The following SLC39A8 variants were observed in gnomAD, a reference collection of about 807,000 sequenced individuals.
SLC39A8 encodes the protein metal cation symporter ZIP8.
SLC39A8 carries 15 observed loss-of-function variants against 40.4 expected under a neutral mutation model. The ratio of observed to expected loss-of-function variants is 0.37; its 90% CI spans 0.25 to 0.57. The LOEUF is 0.57. Ranked by LOEUF, SLC39A8 falls within the 20% of genes least tolerant of loss-of-function variation. The pLI is 0.75. For missense variants in SLC39A8, 472 were observed against 558.8 expected (o/e 0.84, Z 1.57); for synonymous variants, 223 against 221.6 (o/e 1.01, Z -0.06).
At chr4:102,274,540 C>G (rs1216117938) in intron 6 of SLC39A8, among the ~76,000 whole-genome samples, 1 of 152,130 alleles carries the variant, frequency 6.6e-6, no homozygotes, top group Non-Finnish European at 1.5e-5. Flanking sequence ...AGGATATTAT[C>G]CAGGAGAACT....
intron 6 of SLC39A8, among the ~76,000 whole-genome samples, chr4:102,279,094 A>G (rs939546861): frequency 2.0e-5 from 3 of 151,930 alleles, no homozygotes; most frequent in East Asian, 1.9e-4. Flanking sequence ...ATGTATACCT[A>G]TATAACAAAC....
In SLC39A8 at chr4:102,344,624, C is replaced by T. The variant is rs1259872507; in HGVS notation, c.39G>A (p.Leu13=). 1 of 1,539,706 alleles carries T rather than the reference C, an allele frequency of 6.5e-7. No homozygotes were observed. The change falls in exon 2 of 9, where the codon CTG becomes CTA. Residue 13 remains leucine (L), a synonymous_variant. Transcript: ENST00000356736. ...CCACTCCTCCGAGGCCGGCGGCCGC[C>T]AGCAACAGGAGCCCGGCCACCGCGC... ...PGRAVAGLLL[L]AAAGLGGVAE... is the part of the protein sequence containing the mutation.
rs966028438 is a variant in SLC39A8, at chr4:102,262,902, T to C, written c.*142A>G. The C allele has an allele frequency of 9.9e-5, 139 of 1,409,774 alleles. No homozygotes were observed. Among genetic ancestry groups the C allele is most frequent in the Non-Finnish European group, 1.2e-4 (134 of 1,085,452 alleles). The allele number at this position is 1,409,774 out of a possible 1,614,324, so 87.3% of individuals were successfully genotyped here. On this transcript the variant is annotated 3_prime_UTR_variant, in exon 9 of 9. Transcript: ENST00000356736. The stretch of plus-strand genomic sequence containing the variant: ...ACAAATAATGGACTATTTCACAGAC[T>C]GATGCCAATAATTAGTTTTCTGGAC...
intron 2 of SLC39A8, chr4:102,324,178 T>C (rs548624386): frequency 5.0e-5 from 10 of 199,728 alleles, no homozygotes; most frequent in African/African-American, 1.2e-4. Context: ...GGGCAGATCA[T>C]GAGGTCAAGA....
chr4:102,317,746 TTCC>T (rs1734724968), intron 2 of SLC39A8, among the ~76,000 whole-genome samples: 1 of 152,112 alleles, frequency 6.6e-6, no homozygotes, highest in Non-Finnish European at 1.5e-5. Context: ...GGACTTTAAA[TTCC>T]TCCAACTGTA....
intron 2 of SLC39A8, among the ~76,000 whole-genome samples, chr4:102,320,259 A>C (rs1037847278): frequency 7.3e-6 from 1 of 136,208 alleles, no homozygotes; most frequent in Non-Finnish European, 1.5e-5. Flanking sequence ...ATATATGAGT[A>C]TATATATGAG....
In SLC39A8 at chr4:102,343,796, AT is replaced by A. The variant is rs200083437; in HGVS notation, c.219+647del. On this transcript the variant is annotated intron_variant, in intron 2 of 8. Coordinates refer to ENST00000356736, the MANE Select transcript of SLC39A8 (RefSeq NM_001135146.2). ...TAGTACCCTGTTTATTACTGAAAAA[AT>A]TTTTTTAATCATTTTGGATAAATAC... is the stretch of plus-strand genomic sequence containing the variant. Among the ~76,000 whole-genome samples the A allele has an allele frequency of 4.0e-3, 607 of 152,264 alleles. 7 individuals are homozygous for A. Among genetic ancestry groups the A allele is most frequent in the African/African-American group, 0.014 (592 of 41,534 alleles).
chr4:102,292,824 T>C (rs1342167285), intron 6 of SLC39A8, among the ~76,000 whole-genome samples: 1 of 152,078 alleles, frequency 6.6e-6, no homozygotes, highest in African/African-American at 2.4e-5. Context: ...TAGTATTTAA[T>C]GCATACCTAC....
chr4:102,262,138 T>C lies in SLC39A8; in HGVS notation c.*906A>G, dbSNP rs776459430. 35 of 985,742 alleles carry C rather than the reference T, an allele frequency of 3.6e-5. No individual in the cohort carries two copies. Among genetic ancestry groups the C allele is most frequent in the Non-Finnish European group, 4.0e-5 (33 of 829,806 alleles). The allele number at this position is 985,742 out of a possible 1,614,324, so 61.1% of individuals were successfully genotyped here. On this transcript the variant is annotated 3_prime_UTR_variant, in exon 9 of 9. Coordinates refer to ENST00000356736, the MANE Select transcript of SLC39A8 (RefSeq NM_001135146.2). ...CAGTCCAGCTGTTGTTTTGCATTTATTAAAATATTCTCTGCTAAATAGTTA... is the reference window on the plus strand; with the variant it reads ...CAGTCCAGCTGTTGTTTTGCATTTACTAAAATATTCTCTGCTAAATAGTTA...
chr4:102,285,367 T>A (rs1016045072), intron 6 of SLC39A8, among the ~76,000 whole-genome samples: 11 of 110,252 alleles, frequency 1.0e-4, no homozygotes, highest in Non-Finnish European at 2.5e-4. Flanking sequence ...AGAATGGGAC[T>A]GAAATTCTCT....
chr4:102,303,652 T>A (rs1734010295), intron 6 of SLC39A8, among the ~76,000 whole-genome samples: 2 of 151,820 alleles, frequency 1.3e-5, no homozygotes, highest in African/African-American at 4.8e-5. Context: ...GGCTGTTCTA[T>A]TAGTCATCTA....
At chr4:102,328,369 C>CA (rs1357387731) in intron 2 of SLC39A8, among the ~76,000 whole-genome samples, 2 of 150,566 alleles carry the variant, frequency 1.3e-5, no homozygotes, top group Non-Finnish European at 3.0e-5. Context: ...TTGTCGGCAA[C>CA]AAAAAATGGA....
intron 6 of SLC39A8, among the ~76,000 whole-genome samples, chr4:102,287,555 C>T (rs1472316984): frequency 1.3e-5 from 2 of 152,080 alleles, no homozygotes; most frequent in East Asian, 1.9e-4. Flanking sequence ...ATTTGCATCA[C>T]GTCCCACCCC....
rs1017125426 is a variant in SLC39A8 at position 102,315,380 on chromosome 4, T to A, written c.382+288A>T. On this transcript the variant is annotated intron_variant, in intron 3 of 8. Transcript: ENST00000356736. ...ATAAGCCAAAGAAAATGCAATCCAATATGCACAGCATAAAATATATATTGT... is the reference window on the plus strand; with the variant it reads ...ATAAGCCAAAGAAAATGCAATCCAAAATGCACAGCATAAAATATATATTGT... 2.0e-5 allele frequency among the ~76,000 whole-genome samples: 3 copies of A among 152,300 alleles called. No homozygotes were observed. The South Asian group carries it at 6.2e-4, about 32-fold the overall frequency.
In SLC39A8 at chr4:102,307,492, C is replaced by T. The variant is rs999764218; in HGVS notation, c.496G>A (p.Val166Met). The T allele has an allele frequency of 6.2e-7, 1 of 1,613,300 alleles. No homozygotes were observed. Among genetic ancestry groups the T allele is most frequent in the African/African-American group, 1.3e-5 (1 of 74,860 alleles). Residue 166 changes from valine (V) to methionine (M), a missense_variant, in exon 4 of 9, where the codon GTG (valine) becomes ATG (methionine). By Grantham distance (21) the Val-to-Met change is conservative. Around this residue, in one of 4 missense-constraint regions of SLC39A8, gnomAD observed 239 missense variants for 317.9 expected, o/e 0.75. Coordinates refer to ENST00000356736, the MANE Select transcript of SLC39A8 (RefSeq NM_001135146.2). ...AAAAGAGTCCCAATAGCCAGCCCCA[C>T]AAAAAAGGTCAAAATCTTTGGGAAA... The part of the protein sequence containing the change: ...SYFPKILTFF[V>M]GLAIGTLFSN...
chr4:102,256,967 T>C (rs552460706), downstream of SLC39A8, among the ~76,000 whole-genome samples: 12 of 152,214 alleles, frequency 7.9e-5, no homozygotes, highest in South Asian at 8.3e-4. Context: ...GACAGAGAGA[T>C]AGTGGGCACC....
Position 102,304,418 on chromosome 4 carries a change from C to T in SLC39A8, c.739G>A (p.Ala247Thr). The stretch of plus-strand genomic sequence containing the variant: ...GTCACACCATTGATGGCAGGTAATG[C>T]TTTAGGTTGATGAGTTTTTTCTTGA... ...GPQEKTHQPK[A>T]LPAINGVTCY... is the part of the protein sequence containing the mutation. The change falls in exon 6 of 9, where the codon GCA becomes ACA. Residue 247 changes from alanine (A) to threonine (T), a missense_variant. This residue lies in a region of SLC39A8 where 239 missense variants were observed against 317.9 expected (regional missense o/e 0.75). Coordinates refer to ENST00000356736, the MANE Select transcript of SLC39A8 (RefSeq NM_001135146.2). 2.5e-6 allele frequency: 4 copies of T among 1,611,530 alleles called. No individual in the cohort carries two copies. Among genetic ancestry groups the T allele is most frequent in the East Asian group, 4.5e-5 (2 of 44,750 alleles).
At chr4:102,275,288 AAAAACAAAAACAAAAAC>A (rs961362671) in intron 6 of SLC39A8, among the ~76,000 whole-genome samples, 5 of 124,822 alleles carry the variant, frequency 4.0e-5, no homozygotes, top group African/African-American at 1.5e-4. Context: ...CAAAAAAAAC[AAAAACAAAAACAAAAAC>A]AAAACAAAAA....
intron 2 of SLC39A8, among the ~76,000 whole-genome samples, chr4:102,339,533 G>A (rs185022182): frequency 6.6e-6 from 1 of 152,160 alleles, no homozygotes; most frequent in African/African-American, 2.4e-5. Flanking sequence ...CCATTAATAT[G>A]AGCCCGGAGT....
Sources: allele counts gnomAD v4.1 joint callset (sites outside exome capture counted in the v4.1 genomes callset), GRCh38; gene constraint gnomAD v4.1.1; regional missense constraint gnomAD v4.1.1; transcripts MANE v1.5; gene names NCBI Gene and HGNC (gene_info 2026-07-23, HGNC 2026-07-21).